The following SPATA45 variants were observed in gnomAD, a reference collection of about 807,000 sequenced individuals.
The protein encoded by SPATA45 is spermatogenesis-associated protein 45.
SPATA45 carries 5 observed loss-of-function variants against 7.0 expected under a neutral mutation model. That is an observed-to-expected ratio of 0.71 (90% CI 0.37 to 1.50). The LOEUF is 1.50. Among genes scored for constraint, SPATA45 ranks in the 40% most tolerant of loss-of-function variants. SPATA45 has a pLI of 0.03. For synonymous variants in SPATA45, 40 were observed against 38.7 expected (o/e 1.03, Z -0.13); for missense variants, 111 against 114.9 (o/e 0.97, Z 0.16).
chr1:212,846,744 T>C (rs1278087595), intron 1 of SPATA45, among the ~76,000 whole-genome samples: 1 of 152,208 alleles, frequency 6.6e-6, no homozygotes, highest in Non-Finnish European at 1.5e-5. Flanking sequence ...CCAGGTGAAA[T>C]AAACAGCCTT....
chr1:212,838,157 T>C (rs1029868300), intron 1 of SPATA45, among the ~76,000 whole-genome samples: 1 of 151,266 alleles, frequency 6.6e-6, no homozygotes, highest in African/African-American at 2.4e-5. Flanking sequence ...ATAAAAAAAT[T>C]AACCGGGCAT....
intron 1 of SPATA45, among the ~76,000 whole-genome samples, chr1:212,838,422 C>T (rs980768243): frequency 6.6e-6 from 1 of 151,430 alleles, no homozygotes; most frequent in Non-Finnish European, 1.5e-5. Flanking sequence ...CTGACCAAAC[C>T]ATGTGTTAGC....
intron 1 of SPATA45, among the ~76,000 whole-genome samples, chr1:212,846,091 C>T (rs1412812778): frequency 1.3e-5 from 2 of 152,134 alleles, no homozygotes; most frequent in African/African-American, 4.8e-5. Context: ...GACCTTGTGT[C>T]TTCCTTCCAT....
At chr1:212,835,251 C>A (rs1663566324) in intron 2 of SPATA45, among the ~76,000 whole-genome samples, 1 of 151,610 alleles carries the variant, frequency 6.6e-6, no homozygotes, top group South Asian at 2.1e-4. Context: ...AGGCCGGGCA[C>A]GGTGGCTCAC....
At chr1:212,834,874 A>C (rs1663561367) in intron 2 of SPATA45, among the ~76,000 whole-genome samples, 1 of 151,624 alleles carries the variant, frequency 6.6e-6, no homozygotes, top group Non-Finnish European at 1.5e-5. Flanking sequence ...CAGGTTTCTG[A>C]AGTTTTTGTG....
chr1:212,832,644 G>A (rs1663510617), intron 2 of SPATA45, among the ~76,000 whole-genome samples: 1 of 151,486 alleles, frequency 6.6e-6, no homozygotes, highest in South Asian at 2.1e-4. Flanking sequence ...TCTTGCACAG[G>A]TATGCAAAGG....
intron 2 of SPATA45, among the ~76,000 whole-genome samples, chr1:212,833,833 T>C (rs1223334907): frequency 6.6e-6 from 1 of 151,826 alleles, no homozygotes; most frequent in African/African-American, 2.4e-5. Context: ...CTTCAAGGGT[T>C]TTTCCTTTGC....
At chr1:212,840,936 T>C (rs1000074166) in intron 1 of SPATA45, among the ~76,000 whole-genome samples, 6 of 151,598 alleles carry the variant, frequency 4.0e-5, no homozygotes, top group African/African-American at 1.5e-4. Context: ...ACCTTTTAAA[T>C]TCTCTCTCTC....
In SPATA45 at chr1:212,832,359, C is replaced by CTTT. The variant is rs34934655; in HGVS notation, c.278-2101_278-2099dup. On this transcript the variant is annotated intron_variant, in intron 2 of 2. Transcript: ENST00000332912. ...GGCTCTCTACCCAGTGAAATCTAAG[C>CTTT]TTTTTTTTTTTTTTTTTTTTTTTTT... 1.9e-4 allele frequency among the ~76,000 whole-genome samples: 11 copies of CTTT among 57,194 alleles called. 2 individuals are homozygous for CTTT. The highest frequency in any genetic ancestry group is 3.5e-4 in the African/African-American group (5 of 14,402). The allele number at this position is 57,194 out of a possible 152,430, so 37.5% of individuals were successfully genotyped here. A position where few individuals can be genotyped will look rare whatever the true frequency, so the allele number is the denominator to read the frequency against.
chr1:212,830,549 G>A (rs1663467412), intron 2 of SPATA45, among the ~76,000 whole-genome samples: 1 of 150,512 alleles, frequency 6.6e-6, no homozygotes, highest in African/African-American at 2.4e-5. Flanking sequence ...GCGCGCTCCT[G>A]TAGTCCCAGC....
chr1:212,841,262 G>A (rs967332082), intron 1 of SPATA45, among the ~76,000 whole-genome samples: 15 of 151,940 alleles, frequency 9.9e-5, no homozygotes, highest in Non-Finnish European at 1.5e-4. Flanking sequence ...AGGCTCAAGT[G>A]ATCTTCCAAC....
intron 1 of SPATA45, among the ~76,000 whole-genome samples, chr1:212,843,130 C>T (rs1663722719): frequency 6.7e-6 from 1 of 148,414 alleles, no homozygotes; most frequent in African/African-American, 2.5e-5. Flanking sequence ...CACACACACA[C>T]ACACACACAC....
rs116654249 is a variant in SPATA45 at position 212,830,701 on chromosome 1, G to A, written c.278-440C>T. ...AAAAAAAAAAGAAACACCAAATGGC[G>A]GCCAGGCGCTGTGGCTCACGCCTGT... On this transcript the variant is annotated intron_variant, in intron 2 of 2. Coordinates refer to ENST00000332912, the MANE Select transcript of SPATA45 (RefSeq NM_001024601.3). Among the ~76,000 whole-genome samples, 760 of 148,196 alleles carry A rather than the reference G, an allele frequency of 5.1e-3. 5 individuals are homozygous for A. Among genetic ancestry groups the A allele is most frequent in the African/African-American group, 0.018 (721 of 40,392 alleles).
chr1:212,834,579 T>C (rs1663555171), intron 2 of SPATA45, among the ~76,000 whole-genome samples: 1 of 151,360 alleles, frequency 6.6e-6, no homozygotes, highest in Non-Finnish European at 1.5e-5. Context: ...GCCTCCCAAG[T>C]AGCTGGGACT....
intron 1 of SPATA45, among the ~76,000 whole-genome samples, chr1:212,836,415 C>G (rs1020273321): frequency 6.6e-6 from 1 of 151,668 alleles, no homozygotes. Context: ...ACTGCAACTT[C>G]CACCTTCCAG....
In SPATA45 at chr1:212,843,093, TCAAACATACA is replaced by T. The variant is rs758922751; in HGVS notation, c.-39+4477_-39+4486del. Among the ~76,000 whole-genome samples the T allele has an allele frequency of 1.6e-3, 131 of 80,124 alleles. No homozygotes were observed. The South Asian group carries it at 0.034, about 21-fold the overall frequency. The allele number at this position is 80,124 out of a possible 152,430, so 52.6% of individuals were successfully genotyped here. On this transcript the variant is annotated intron_variant, in intron 1 of 2. Coordinates refer to ENST00000332912, the MANE Select transcript of SPATA45 (RefSeq NM_001024601.3). ...GCCTGGGCAACAGAGCAAGACTCCG[TCAAACATACA>T]CACACACACACACACACACACACAC... is the stretch of plus-strand genomic sequence containing the variant.
chr1:212,842,549 T>C (rs1001743990), intron 1 of SPATA45, among the ~76,000 whole-genome samples: 14 of 152,198 alleles, frequency 9.2e-5, no homozygotes, highest in African/African-American at 2.9e-4. Context: ...TAATAGAGTC[T>C]AGTGGTACAA....
chr1:212,834,146 T>G (rs1325501371), intron 2 of SPATA45, among the ~76,000 whole-genome samples: 1 of 151,786 alleles, frequency 6.6e-6, no homozygotes, highest in Non-Finnish European at 1.5e-5. Flanking sequence ...TGTATCACAC[T>G]CTACTCCACT....
intron 1 of SPATA45, among the ~76,000 whole-genome samples, chr1:212,845,000 T>C (rs1164213768): frequency 6.6e-6 from 1 of 151,980 alleles, no homozygotes; most frequent in African/African-American, 2.4e-5. Flanking sequence ...CATTGGTCAC[T>C]CCTACCTACA....
Sources: allele counts gnomAD v4.1 joint callset (sites outside exome capture counted in the v4.1 genomes callset), GRCh38; gene constraint gnomAD v4.1.1; transcripts MANE v1.5; gene names NCBI Gene and HGNC (gene_info 2026-07-23, HGNC 2026-07-21).